TTC28: variants seen among roughly 807,000 people sequenced by gnomAD.
The protein encoded by TTC28 is tetratricopeptide repeat domain 28, also known as tetratricopeptide repeat protein 28.
Under a neutral mutation model 198.0 loss-of-function variants are expected in TTC28, and 61 were observed. The observed-to-expected ratio is 0.31, with a 90% CI of 0.25 to 0.38. The LOEUF (loss-of-function observed/expected upper bound fraction) is 0.38. TTC28 is among the 10% of genes least tolerant of loss of function. TTC28 has a pLI of 1.00. For missense variants in TTC28, 2,678 were observed against 3,164.0 expected (o/e 0.85, Z 3.69); for synonymous variants, 1,171 against 1,297.8 (o/e 0.90, Z 2.10).
At chr22:28,369,071 A>G (rs2046289879) in intron 2 of TTC28, among the ~76,000 whole-genome samples, 1 of 152,126 alleles carries the variant, frequency 6.6e-6, no homozygotes, top group Admixed American at 6.5e-5. Flanking sequence ...TCTTCACAGA[A>G]GTAGAAAAAC....
chr22:28,619,568 C>A (rs1334592031), intron 2 of TTC28, among the ~76,000 whole-genome samples: 1 of 152,142 alleles, frequency 6.6e-6, no homozygotes, highest in African/African-American at 2.4e-5. Flanking sequence ...AAAAGGAGAG[C>A]ATGTTTGTCA....
chr22:28,548,891 C>T (rs1365361148), intron 2 of TTC28, among the ~76,000 whole-genome samples: 1 of 152,142 alleles, frequency 6.6e-6, no homozygotes, highest in Non-Finnish European at 1.5e-5. Context: ...TTGTTCAAGT[C>T]CCACATTCTT....
chr22:28,076,999 A>T (rs1941190615), intron 12 of TTC28, among the ~76,000 whole-genome samples: 1 of 152,224 alleles, frequency 6.6e-6, no homozygotes, highest in African/African-American at 2.4e-5. Context: ...ACTATTAAAA[A>T]GATGTCATCC....
intron 2 of TTC28, among the ~76,000 whole-genome samples, chr22:28,375,688 C>A (rs141789723): frequency 2.3e-4 from 35 of 152,258 alleles, no homozygotes; most frequent in African/African-American, 8.4e-4. Flanking sequence ...TTACTTCTGG[C>A]TGTGTCTGTG....
At chr22:28,099,552 C>T (rs532702772) in intron 9 of TTC28, among the ~76,000 whole-genome samples, 8 of 152,128 alleles carry the variant, frequency 5.3e-5, no homozygotes, top group Admixed American at 2.0e-4. Flanking sequence ...AACCTGACAC[C>T]AGGTAGGTCC....
intron 5 of TTC28, among the ~76,000 whole-genome samples, chr22:28,210,971 G>C (rs1448383549): frequency 6.6e-6 from 1 of 152,142 alleles, no homozygotes; most frequent in Non-Finnish European, 1.5e-5. Context: ...AAGAGAGTGA[G>C]GGCCAATATT....
Position 28,629,781 on chromosome 22 carries a change from G to A in TTC28, c.152C>T (p.Pro51Leu), listed in dbSNP as rs772117299. Reference protein sequence around the residue: ...DTIGQRSPDGPVLSKAEFVEK... With the variant: ...DTIGQRSPDGLVLSKAEFVEK... ...AACAAATTCAGCTTTGCTCAGTACCGGTCCATCAGGACTTCTCTGGCCAAT... is the reference window on the plus strand; with the variant it reads ...AACAAATTCAGCTTTGCTCAGTACCAGTCCATCAGGACTTCTCTGGCCAAT... Residue 51 changes from proline to leucine, a missense_variant, in exon 2 of 23, where the codon CCG becomes CTG. This residue lies in a region of TTC28 where 176 missense variants were observed against 197.9 expected (regional missense o/e 0.89). Transcript: ENST00000397906. 1.7e-5 allele frequency: 27 copies of A among 1,551,486 alleles called. No individual in the cohort carries two copies. Among genetic ancestry groups the A allele is most frequent in the Middle Eastern group, 1.7e-4 (1 of 6,016 alleles).
intron 12 of TTC28, among the ~76,000 whole-genome samples, chr22:28,064,227 GA>G (rs1449602708): frequency 6.6e-6 from 1 of 152,162 alleles, no homozygotes; most frequent in Non-Finnish European, 1.5e-5. Flanking sequence ...AACTGAAGAT[GA>G]AGGAATAGAA....
chr22:28,334,303 A>C (rs1172507033), intron 2 of TTC28, among the ~76,000 whole-genome samples: 1 of 152,086 alleles, frequency 6.6e-6, no homozygotes, highest in Non-Finnish European at 1.5e-5. Flanking sequence ...ATAGTGCCAC[A>C]ATAAACATAT....
At chr22:28,524,895 C>T (rs1183275887) in intron 2 of TTC28, among the ~76,000 whole-genome samples, 2 of 152,196 alleles carry the variant, frequency 1.3e-5, no homozygotes, top group South Asian at 2.1e-4. Flanking sequence ...TATTCTTTAA[C>T]CATGTAATTC....
At chr22:28,055,172 A>T (rs1940234279) in intron 12 of TTC28, among the ~76,000 whole-genome samples, 1 of 152,222 alleles carries the variant, frequency 6.6e-6, no homozygotes, top group Non-Finnish European at 1.5e-5. Flanking sequence ...TTCACTCATC[A>T]AATATTTGCT....
At chr22:28,266,996 T>C (rs1989038602) in intron 5 of TTC28, among the ~76,000 whole-genome samples, 1 of 152,198 alleles carries the variant, frequency 6.6e-6, no homozygotes, top group Admixed American at 6.5e-5. Context: ...CTGATTTTAA[T>C]ACAGAGTTAA....
intron 12 of TTC28, among the ~76,000 whole-genome samples, chr22:28,063,878 C>A (rs144738902): frequency 7.2e-5 from 11 of 152,166 alleles, no homozygotes; most frequent in East Asian, 5.8e-4. Context: ...AGCACAGCTG[C>A]AGGGCGGCCG....
intron 1 of TTC28, among the ~76,000 whole-genome samples, chr22:28,639,375 C>T (rs939760677): frequency 2.6e-5 from 4 of 152,212 alleles, no homozygotes; most frequent in Admixed American, 2.6e-4. Context: ...TACCCCCTCT[C>T]CATTCACCAA....
chr22:28,011,727 A>G (rs1601515093), intron 14 of TTC28, among the ~76,000 whole-genome samples: 3 of 152,012 alleles, frequency 2.0e-5, no homozygotes, highest in South Asian at 4.2e-4. Flanking sequence ...TGGGGAGGGG[A>G]ATGAAGGGAT....
rs115242726 is a variant in TTC28 at position 28,580,025 on chromosome 22, T to C, written c.381+49527A>G. ...ACATACACACACACATACACACATA[T>C]ATATAAAACTAGATAAACAGATTAT... On this transcript the variant is annotated intron_variant, in intron 2 of 22. Transcript: ENST00000397906. 9.7e-3 allele frequency among the ~76,000 whole-genome samples: 1,479 copies of C among 151,730 alleles called. 26 individuals are homozygous for C. The highest frequency in any genetic ancestry group is 0.033 in the African/African-American group (1,378 of 41,372).
chr22:28,091,492 C>T (rs1451034174), intron 12 of TTC28, among the ~76,000 whole-genome samples: 1 of 152,048 alleles, frequency 6.6e-6, no homozygotes, highest in Non-Finnish European at 1.5e-5. Flanking sequence ...GTCATACACC[C>T]AAGTACCTTT....
chr22:28,043,704 T>G (rs1481283936), intron 12 of TTC28, among the ~76,000 whole-genome samples: 1 of 152,052 alleles, frequency 6.6e-6, no homozygotes, highest in Admixed American at 6.6e-5. Context: ...TCCCCCTCTT[T>G]GGATTAAGCA....
At chr22:28,323,707 A>G (rs1456482570) in intron 2 of TTC28, among the ~76,000 whole-genome samples, 2 of 152,194 alleles carry the variant, frequency 1.3e-5, no homozygotes, top group Admixed American at 6.5e-5. Flanking sequence ...ATTTATTCAA[A>G]GAGAAAATAA....
Sources: gnomAD v4.1 joint callset for allele counts (sites outside exome capture counted in the v4.1 genomes callset) on GRCh38, gnomAD v4.1.1 for gene constraint, gnomAD v4.1.1 regional missense constraint, MANE v1.5 for transcripts, NCBI Gene and HGNC (gene_info 2026-07-23, HGNC 2026-07-21) for gene names.